Variants in CELF2 observed in about 807,000 individuals in gnomAD.
CELF2 encodes CUG triplet repeat RNA-binding protein 2.
A neutral mutation model predicts 62.6 loss-of-function variants in CELF2; 8 were observed. The ratio of observed to expected loss-of-function variants is 0.13; its 90% CI spans 0.07 to 0.23. CELF2 has a LOEUF of 0.23. CELF2 is among the 10% of genes least tolerant of loss of function. The pLI is 1.00. For synonymous variants in CELF2, 258 were observed against 250.0 expected (o/e 1.03, Z -0.30); for missense variants, 333 against 671.0 (o/e 0.50, Z 5.56).
the CELF2 span, among the ~76,000 whole-genome samples, chr10:10,508,296 G>C: frequency 6.6e-6 from 1 of 152,196 alleles, no homozygotes; most frequent in South Asian, 2.1e-4. Context: ...TGACCCCACT[G>C]AGTGACTCGC....
the CELF2 span, among the ~76,000 whole-genome samples, chr10:10,546,949 A>T: frequency 6.6e-6 from 1 of 152,060 alleles, no homozygotes; most frequent in South Asian, 2.1e-4. Context: ...TCTACTAAAA[A>T]TACAAAAATT....
At chr10:10,845,616 A>T (rs2058964466) in intron 1 of CELF2, among the ~76,000 whole-genome samples, 1 of 152,202 alleles carries the variant, frequency 6.6e-6, no homozygotes, top group Admixed American at 6.5e-5. Context: ...TGGTTAGGAT[A>T]ATCAGCTTAA....
At chr10:10,496,917 A>T in the CELF2 span, among the ~76,000 whole-genome samples, 23 of 152,132 alleles carry the variant, frequency 1.5e-4, no homozygotes, top group African/African-American at 5.3e-4. Flanking sequence ...CAGCTAGGCA[A>T]AGTGGTTCAT....
Position 11,297,604 on chromosome 10 carries a change from T to C in CELF2, c.976+9052T>C, listed in dbSNP as rs2093327603. 6.6e-6 allele frequency among the ~76,000 whole-genome samples: 1 copy of C among 152,078 alleles called. No homozygotes were observed. Among genetic ancestry groups the C allele is most frequent in the Non-Finnish European group, 1.5e-5 (1 of 68,016 alleles). On this transcript the variant is annotated intron_variant, in intron 9 of 12. Coordinates refer to ENST00000633077, the MANE Select transcript of CELF2 (RefSeq NM_001326342.2). The surrounding 1 kb of genome is among the most constrained non-coding windows in gnomAD (Gnocchi z 4.4). ...CAGACTGGCTGCTTCACTGCAGTGGTTGACAGTTTTGCAGGCAGTGAGAGA... is the reference window on the plus strand; with the variant it reads ...CAGACTGGCTGCTTCACTGCAGTGGCTGACAGTTTTGCAGGCAGTGAGAGA...
At chr10:11,128,084 C>T (rs2059021446) in intron 1 of CELF2, among the ~76,000 whole-genome samples, 1 of 152,178 alleles carries the variant, frequency 6.6e-6, no homozygotes. Flanking sequence ...GATCCAGTTT[C>T]AGCTTTCTAC....
At chr10:11,251,009 A>G (rs2938021) in intron 4 of CELF2, among the ~76,000 whole-genome samples, 63,746 of 151,860 alleles carry the variant, frequency 0.42, 13,528 homozygotes, top group East Asian at 0.64. Context: ...GAGACACGAG[A>G]GATGACTCTT....
chr10:10,609,719 A>G, the CELF2 span, among the ~76,000 whole-genome samples: 1 of 152,302 alleles, frequency 6.6e-6, no homozygotes, highest in South Asian at 2.1e-4. Flanking sequence ...AGGAGTTGAG[A>G]ACTCTATTTG....
rs1197959097 is a variant in CELF2, at chr10:10,983,065, G to A, written c.89+63066G>A. Among the ~76,000 whole-genome samples, 4 of 151,868 alleles carry A rather than the reference G, an allele frequency of 2.6e-5. No individual in the cohort carries two copies. The highest frequency in any genetic ancestry group is 5.9e-5 in the Non-Finnish European group (4 of 67,992). ...ATATTAGCCCTTTACTGACTTGGAGGTTGCATCTTCTCAATCCGGTAATTA... is the reference window on the plus strand; with the variant it reads ...ATATTAGCCCTTTACTGACTTGGAGATTGCATCTTCTCAATCCGGTAATTA... On this transcript the variant is annotated intron_variant, in intron 2 of 13. Transcript: ENST00000636488. The surrounding 1 kb of genome is among the most constrained non-coding windows in gnomAD (Gnocchi z 5.2).
chr10:10,723,793 A>G, the CELF2 span, among the ~76,000 whole-genome samples: 2 of 152,236 alleles, frequency 1.3e-5, no homozygotes, highest in South Asian at 2.1e-4. Context: ...CAGCCAATGC[A>G]TTTTGAAAAT....
the CELF2 span, chr10:10,776,482 GA>G: frequency 6.5e-6 from 1 of 154,176 alleles, no homozygotes. Context: ...TTCAAGCATG[GA>G]AAAATTCATT....
chr10:11,213,409 TG>T (rs944403818), intron 2 of CELF2, among the ~76,000 whole-genome samples: 2 of 152,180 alleles, frequency 1.3e-5, no homozygotes, highest in Non-Finnish European at 2.9e-5. Context: ...AGGAGACAGG[TG>T]GTTCCCTTAA....
At chr10:10,945,843 T>G (rs2047608584) in intron 2 of CELF2, among the ~76,000 whole-genome samples, 1 of 152,174 alleles carries the variant, frequency 6.6e-6, no homozygotes, top group Non-Finnish European at 1.5e-5. Flanking sequence ...GTTGACAAAT[T>G]TCTGGCTGGG....
the CELF2 span, among the ~76,000 whole-genome samples, chr10:10,700,507 C>T: frequency 6.6e-6 from 1 of 152,138 alleles, no homozygotes; most frequent in African/African-American, 2.4e-5. Flanking sequence ...ATAAAGATTC[C>T]TCTGGGAGAG....
chr10:11,225,640 C>G (rs1007304351), intron 3 of CELF2, among the ~76,000 whole-genome samples: 2 of 152,252 alleles, frequency 1.3e-5, no homozygotes, highest in East Asian at 3.9e-4. Context: ...AATTTTTCCA[C>G]CGGGAAATGG....
At chr10:11,276,923 T>C (rs1467518518) in intron 8 of CELF2, among the ~76,000 whole-genome samples, 1 of 152,220 alleles carries the variant, frequency 6.6e-6, no homozygotes, top group East Asian at 1.9e-4. Context: ...GATGGCTAAT[T>C]TAAAGGCAAT....
At chr10:10,511,455 T>C in the CELF2 span, among the ~76,000 whole-genome samples, 1 of 151,968 alleles carries the variant, frequency 6.6e-6, no homozygotes, top group Non-Finnish European at 1.5e-5. Context: ...CATATATTTT[T>C]AATGTGTATA....
In CELF2 at chr10:10,837,096, T is replaced by A. The variant is rs375566281; in HGVS notation, c.53+38279T>A. 2.2e-4 allele frequency among the ~76,000 whole-genome samples: 33 copies of A among 152,350 alleles called. No individual in the cohort carries two copies. In the South Asian group the frequency reaches 6.8e-3, roughly 32 times the overall value. On this transcript the variant is annotated intron_variant, in intron 1 of 13. Transcript: ENST00000636488. Reference sequence around the variant, plus strand: ...GCACTCCTACGTTGTCATTCATGACTGCTGATATGGTTTGGTTGTGTCCCC... The same window carrying A: ...GCACTCCTACGTTGTCATTCATGACAGCTGATATGGTTTGGTTGTGTCCCC...
chr10:10,987,078 C>G (rs567052686), intron 2 of CELF2, among the ~76,000 whole-genome samples: 2 of 152,304 alleles, frequency 1.3e-5, no homozygotes, highest in East Asian at 3.9e-4. Context: ...ACCTTTGGTC[C>G]TACCGTCTCA....
the CELF2 span, among the ~76,000 whole-genome samples, chr10:10,649,920 T>C: frequency 9.9e-5 from 15 of 152,020 alleles, no homozygotes; most frequent in Non-Finnish European, 2.1e-4. Context: ...CATCGATCTC[T>C]GCAGCGGGAT....
Sources: gnomAD v4.1 joint callset for allele counts (sites outside exome capture counted in the v4.1 genomes callset) on GRCh38, gnomAD v4.1.1 for gene constraint, Gnocchi (gnomAD v3.1) non-coding constraint, MANE v1.5 for transcripts, NCBI Gene and HGNC (gene_info 2026-07-23, HGNC 2026-07-21) for gene names.